The following C3orf52 variants were observed in gnomAD, a reference collection of about 807,000 sequenced individuals.
C3orf52 encodes the protein chromosome 3 open reading frame 52.
Under a neutral mutation model 24.8 loss-of-function variants are expected in C3orf52, and 22 were observed. That is an observed-to-expected ratio of 0.89 (90% CI 0.63 to 1.27). The LOEUF (loss-of-function observed/expected upper bound fraction) is 1.27, where lower values mean the gene tolerates loss of function less well. Among genes scored for constraint, C3orf52 ranks in the 50% most tolerant of loss-of-function variants. C3orf52 has a pLI of 0.00. For missense variants in C3orf52, 265 were observed against 260.7 expected (o/e 1.02, Z -0.11); for synonymous variants, 93 against 100.2 (o/e 0.93, Z 0.43).
chr3:112,093,211 C>A, intron 1 of C3orf52, 149 bp from the exon 2 acceptor site: 1 of 686,296 alleles, frequency 1.5e-6, no homozygotes, highest in Non-Finnish European at 2.3e-6. Context: ...TGCCTCTGAT[C>A]TCTCTTTTTG....
intron 4 of C3orf52, among the ~76,000 whole-genome samples, chr3:112,124,382 G>T (rs1419988176): frequency 6.6e-6 from 1 of 152,166 alleles, no homozygotes; most frequent in Admixed American, 6.5e-5. Context: ...GCCGAAGTGG[G>T]TGGATCACCT....
chr3:112,087,038 C>G (rs973997633), intron 1 of C3orf52, among the ~76,000 whole-genome samples: 2 of 151,988 alleles, frequency 1.3e-5, no homozygotes, highest in African/African-American at 4.8e-5. Flanking sequence ...GCCTACCATC[C>G]GCCAAGCACT....
Position 112,117,715 on chromosome 3 carries a change from C to A in C3orf52, c.*1069C>A, listed in dbSNP as rs2074149663. Reference sequence around the variant, plus strand: ...ATAAACTCTTGGAAGCTTTTGCCAGCTATTTGGGGGGTAGGAGGAATATTA... The same window carrying A: ...ATAAACTCTTGGAAGCTTTTGCCAGATATTTGGGGGGTAGGAGGAATATTA... On this transcript the variant is annotated 3_prime_UTR_variant, in exon 6 of 6. Coordinates refer to ENST00000264848, the MANE Select transcript of C3orf52 (RefSeq NM_024616.3). 6.6e-6 allele frequency: 1 copy of A among 152,174 alleles called. No homozygotes were observed. Among genetic ancestry groups the A allele is most frequent in the African/African-American group, 2.4e-5 (1 of 41,432 alleles). 9.4% of individuals were successfully genotyped at this position (152,174 alleles called of 1,614,324 possible).
downstream of C3orf52, among the ~76,000 whole-genome samples, chr3:112,131,387 G>C (rs1321223974): frequency 6.6e-6 from 1 of 151,932 alleles, no homozygotes; most frequent in Non-Finnish European, 1.5e-5. Flanking sequence ...CGGTTGGGGG[G>C]GTATGCTGAC....
intron 2 of C3orf52, among the ~76,000 whole-genome samples, chr3:112,095,451 A>C (rs73218018): frequency 0.03 from 4,632 of 152,288 alleles, 101 homozygotes; most frequent in Non-Finnish European, 0.038. Context: ...TCAGGATTCT[A>C]AAGCGCAAGA....
downstream of C3orf52, chr3:112,130,427 G>T: frequency 6.2e-7 from 1 of 1,608,412 alleles, no homozygotes; most frequent in East Asian, 2.2e-5. Flanking sequence ...GGGGGTGTTT[G>T]GTTGATTTTG....
chr3:112,104,854 C>T (rs2074009187), intron 3 of C3orf52, among the ~76,000 whole-genome samples: 1 of 152,120 alleles, frequency 6.6e-6, no homozygotes, highest in Non-Finnish European at 1.5e-5. Context: ...CTCCTTTTCT[C>T]CTTTCCTTCC....
chr3:112,114,044 A>C (rs1286158705), intron 5 of C3orf52, among the ~76,000 whole-genome samples: 1 of 152,238 alleles, frequency 6.6e-6, no homozygotes, highest in African/African-American at 2.4e-5. Flanking sequence ...TAGTTGAATG[A>C]ATGAAAGGCA....
chr3:112,110,592 T>C (rs1433816943), intron 4 of C3orf52, among the ~76,000 whole-genome samples: 2 of 152,216 alleles, frequency 1.3e-5, no homozygotes, highest in East Asian at 3.8e-4. Context: ...ATCTTTAATG[T>C]TCTTGAGATG....
intron 1 of C3orf52, among the ~76,000 whole-genome samples, chr3:112,089,486 G>A (rs1372478966): frequency 7.1e-6 from 1 of 141,668 alleles, no homozygotes; most frequent in Non-Finnish European, 1.5e-5. Flanking sequence ...CCCAGATCAC[G>A]CCACTGCACT....
intron 3 of C3orf52, among the ~76,000 whole-genome samples, chr3:112,108,435 T>C (rs1218323315): frequency 6.6e-6 from 1 of 152,182 alleles, no homozygotes; most frequent in East Asian, 1.9e-4. Context: ...AAGTTGGAGA[T>C]GCACCTACCC....
At chr3:112,102,804 TG>T (rs1414009679) in intron 2 of C3orf52, 33 bp from the exon 3 acceptor site, 2 of 1,522,386 alleles carry the variant, frequency 1.3e-6, no homozygotes, top group East Asian at 2.5e-5. Context: ...TGTTTACTTT[TG>T]TTTTTCATTT....
chr3:112,120,541 TG>T, downstream of C3orf52, among the ~76,000 whole-genome samples: 1 of 152,242 alleles, frequency 6.6e-6, no homozygotes, highest in Non-Finnish European at 1.5e-5. Flanking sequence ...AGTCTGCAGT[TG>T]TGGCATAAAT....
chr3:112,107,405 G>C (rs1209453507), intron 3 of C3orf52, among the ~76,000 whole-genome samples: 1 of 152,166 alleles, frequency 6.6e-6, no homozygotes, highest in African/African-American at 2.4e-5. Context: ...CCTAGTTCCC[G>C]AGTTTTCTAA....
chr3:112,131,680 A>G (rs895406802), downstream of C3orf52, among the ~76,000 whole-genome samples: 2 of 152,178 alleles, frequency 1.3e-5, no homozygotes, highest in Admixed American at 1.3e-4. Context: ...CAAACTGATC[A>G]ACTATTTGGA....
rs1312077479 is a variant in C3orf52, at chr3:112,086,455, G to A, written c.48G>A (p.Ser16=). ...PSQPVDELEL[S]VLERQPEENT... ...AGCCAGTAGACGAGCTGGAGCTCTC[G>A]GTGCTCGAGCGGCAGCCAGAAGAGA... Residue 16 remains serine, a synonymous_variant, in exon 1 of 6, where the codon TCG becomes TCA. Transcript: ENST00000264848. The A allele has an allele frequency of 3.2e-6, 5 of 1,551,322 alleles. No individual in the cohort carries two copies. The highest frequency in any genetic ancestry group is 2.7e-5 in the African/African-American group (2 of 73,046).
intron 4 of C3orf52, chr3:112,125,214 T>C: frequency 5.8e-6 from 9 of 1,539,094 alleles, no homozygotes; most frequent in African/African-American, 1.4e-5. Context: ...AGCTTAGAGA[T>C]GTTCTTATTA....
At chr3:112,132,849 C>A, downstream of C3orf52, 1 of 477,636 alleles carries the variant, frequency 2.1e-6, no homozygotes. Context: ...TTGGTAAAGT[C>A]TTTCCACCTT....
intron 4 of C3orf52, among the ~76,000 whole-genome samples, chr3:112,110,403 C>T (rs2074068158): frequency 6.6e-6 from 1 of 152,026 alleles, no homozygotes; most frequent in Non-Finnish European, 1.5e-5. Context: ...CCTTCTGCCT[C>T]CTTTCTTCTC....
Sources: gnomAD v4.1 joint callset for allele counts (sites outside exome capture counted in the v4.1 genomes callset) on GRCh38, gnomAD v4.1.1 for gene constraint, MANE v1.5 for transcripts, NCBI Gene and HGNC (gene_info 2026-07-23, HGNC 2026-07-21) for gene names.